ATP10A: variants seen among roughly 807,000 people sequenced by gnomAD.
ATP10A encodes ATPase phospholipid transporting 10A (putative), also known as phospholipid-transporting ATPase VA.
Under a neutral mutation model 147.8 loss-of-function variants are expected in ATP10A, and 111 were observed. The ratio of observed to expected loss-of-function variants is 0.75; its 90% CI spans 0.64 to 0.88. The LOEUF is 0.88. Among genes scored for constraint, ATP10A ranks in the 40% least tolerant of loss-of-function variants. The pLI is 0.00. For synonymous variants in ATP10A, 875 were observed against 841.6 expected (o/e 1.04, Z -0.69); for missense variants, 1,927 against 1,959.0 (o/e 0.98, Z 0.31).
intron 2 of ATP10A, among the ~76,000 whole-genome samples, chr15:25,776,385 C>T (rs1388856209): frequency 1.3e-5 from 2 of 152,160 alleles, no homozygotes; most frequent in African/African-American, 4.8e-5. Context: ...TTTTCTGTTT[C>T]TCATCTATAA....
chr15:25,725,829 G>A, intron 5 of ATP10A, 122 bp downstream of exon 5: 2 of 1,198,320 alleles, frequency 1.7e-6, no homozygotes, highest in South Asian at 1.9e-5. Flanking sequence ...ATGTTGGCCA[G>A]CTGGTCACCA....
chr15:25,746,699 G>A (rs185348347), intron 2 of ATP10A, among the ~76,000 whole-genome samples: 700 of 152,294 alleles, frequency 4.6e-3, no homozygotes, highest in Non-Finnish European at 7.5e-3. Flanking sequence ...TTGAAATTAT[G>A]TAATACAATT....
At chr15:25,747,645 A>G (rs181098015) in intron 2 of ATP10A, among the ~76,000 whole-genome samples, 130 of 152,324 alleles carry the variant, frequency 8.5e-4, no homozygotes, top group Non-Finnish European at 1.6e-3. Context: ...TAAAAAGGAC[A>G]GATTAATAGA....
chr15:25,856,266 T>C (rs1362765450), intron 1 of ATP10A, among the ~76,000 whole-genome samples: 1 of 152,138 alleles, frequency 6.6e-6, no homozygotes, highest in Non-Finnish European at 1.5e-5. Context: ...TGAGTGAGTC[T>C]CACGAGATCT....
chr15:25,820,793 T>A (rs533422971), intron 1 of ATP10A, among the ~76,000 whole-genome samples: 21 of 152,220 alleles, frequency 1.4e-4, no homozygotes, highest in African/African-American at 4.8e-4. Flanking sequence ...AAGTTCCAGA[T>A]AAATTAAAAC....
At chr15:25,714,834 A>G (rs1235514530) in intron 9 of ATP10A, among the ~76,000 whole-genome samples, 1 of 152,188 alleles carries the variant, frequency 6.6e-6, no homozygotes, top group African/African-American at 2.4e-5. Flanking sequence ...ATAAAAATTT[A>G]ATATACAAAT....
At chr15:25,788,329 C>A (rs1473063783) in intron 1 of ATP10A, among the ~76,000 whole-genome samples, 1 of 152,218 alleles carries the variant, frequency 6.6e-6, no homozygotes, top group Admixed American at 6.5e-5. Context: ...TAAGACAGGG[C>A]GCCAGCCCAG....
rs1448067090 is a variant in ATP10A, at chr15:25,695,070, G to A, written c.2837C>T (p.Thr946Ile). ...SRGLQRAPEK[T>I]KGKVSMRFSS... ...GAACCTCATGCTCACTTTGCCCTTG[G>A]TCTTCTCAGGGGCTCTCTGGAGGCC... Residue 946 changes from threonine (T) to isoleucine (I), a missense_variant, in exon 14 of 21, where the codon ACC becomes ATC. Coordinates refer to ENST00000555815, the MANE Select transcript of ATP10A (RefSeq NM_024490.4). The A allele has an allele frequency of 6.2e-7, 1 of 1,614,170 alleles. No individual in the cohort carries two copies. The highest frequency in any genetic ancestry group is 1.3e-5 in the African/African-American group (1 of 75,032).
At chr15:25,801,208 C>T (rs1326342463) in intron 1 of ATP10A, among the ~76,000 whole-genome samples, 3 of 152,106 alleles carry the variant, frequency 2.0e-5, no homozygotes, top group Non-Finnish European at 4.4e-5. Flanking sequence ...CCCAAGGCCA[C>T]TCAGCCAGCA....
rs189459611 is a variant in ATP10A, at chr15:25,810,549, C to T, written c.450-29326G>A. The stretch of plus-strand genomic sequence containing the variant: ...GTTTTGCAAAAGTTGAAAACACACA[C>T]GGGTAAAAGCCGGTCAAAGAAAGCA... On this transcript the variant is annotated intron_variant, in intron 1 of 20. Transcript: ENST00000555815. 2.5e-4 allele frequency among the ~76,000 whole-genome samples: 38 copies of T among 152,238 alleles called. 1 individual carries two copies. The East Asian group carries it at 5.4e-3, about 22-fold the overall frequency.
chr15:25,765,924 CCT>C (rs1002305137), intron 2 of ATP10A, among the ~76,000 whole-genome samples: 2 of 152,210 alleles, frequency 1.3e-5, no homozygotes, highest in African/African-American at 4.8e-5. Context: ...GCCAGAAGGA[CCT>C]CTGACATCAT....
intron 2 of ATP10A, among the ~76,000 whole-genome samples, chr15:25,779,784 C>A (rs997377174): frequency 6.6e-6 from 1 of 151,828 alleles, no homozygotes; most frequent in African/African-American, 2.4e-5. Context: ...GTCTGCTTTG[C>A]CTTATTCCAA....
chr15:25,697,211 C>G (rs887722629), intron 13 of ATP10A, among the ~76,000 whole-genome samples: 2 of 152,202 alleles, frequency 1.3e-5, no homozygotes, highest in African/African-American at 4.8e-5. Flanking sequence ...AAGGTGACCT[C>G]TGGAGGGCAA....
At chr15:25,776,342 G>C (rs980094508) in intron 2 of ATP10A, among the ~76,000 whole-genome samples, 2 of 152,124 alleles carry the variant, frequency 1.3e-5, no homozygotes, top group Non-Finnish European at 2.9e-5. Flanking sequence ...GTGGGGGAGG[G>C]GAGGCACCTT....
chr15:25,804,214 CTGTG>C (rs911452753), intron 1 of ATP10A, among the ~76,000 whole-genome samples: 3 of 148,090 alleles, frequency 2.0e-5, no homozygotes, highest in African/African-American at 2.5e-5. Flanking sequence ...GTGTGTGCAT[CTGTG>C]TGTGTGTCTA....
At chr15:25,707,930 G>A in intron 12 of ATP10A, 46 bp downstream of exon 12, 1 of 1,601,166 alleles carries the variant, frequency 6.2e-7, no homozygotes, top group Non-Finnish European at 8.5e-7. Flanking sequence ...GGCCGTCCCT[G>A]CAAACTCCAC....
intron 2 of ATP10A, among the ~76,000 whole-genome samples, chr15:25,766,285 A>C (rs1017627724): frequency 6.6e-6 from 1 of 152,196 alleles, no homozygotes; most frequent in African/African-American, 2.4e-5. Flanking sequence ...GGGTGGGGAC[A>C]AACCATATCA....
In ATP10A at chr15:25,705,949, G is replaced by A. The variant is rs569883538; in HGVS notation, c.2575+2027C>T. Among the ~76,000 whole-genome samples, 590 of 152,270 alleles carry A rather than the reference G, an allele frequency of 3.9e-3. 3 individuals are homozygous for A. Among genetic ancestry groups the A allele is most frequent in the South Asian group, 8.9e-3 (43 of 4,824 alleles). ...TGACACATCTCAGAGCCATCCTCAC[G>A]TGCACCTGGAGGGAAGGAATCCACC... On this transcript the variant is annotated intron_variant, in intron 12 of 20. Transcript: ENST00000555815.
chr15:25,857,732 G>A (rs1597009087), intron 1 of ATP10A, among the ~76,000 whole-genome samples: 1 of 152,266 alleles, frequency 6.6e-6, no homozygotes, highest in East Asian at 1.9e-4. Context: ...TTTTAAAGAG[G>A]CCTGTTGTTC....
Sources: gnomAD v4.1 joint callset for allele counts (sites outside exome capture counted in the v4.1 genomes callset) on GRCh38, gnomAD v4.1.1 for gene constraint, MANE v1.5 for transcripts, NCBI Gene and HGNC (gene_info 2026-07-23, HGNC 2026-07-21) for gene names.